DNAH5: variants seen among roughly 807,000 people sequenced by gnomAD.
DNAH5 encodes the protein axonemal beta dynein heavy chain 5.
A neutral mutation model predicts 518.2 loss-of-function variants in DNAH5; 372 were observed. That is an observed-to-expected ratio of 0.72 (90% CI 0.66 to 0.78). The LOEUF (loss-of-function observed/expected upper bound fraction) is 0.78, where lower values mean the gene tolerates loss of function less well. Ranked by LOEUF, DNAH5 falls within the 30% of genes least tolerant of loss-of-function variation. DNAH5 has a pLI of 0.00. For missense variants in DNAH5, 5,523 were observed against 5,687.0 expected (o/e 0.97, Z 0.93); for synonymous variants, 2,039 against 2,025.9 (o/e 1.01, Z -0.17).
chr5:13,755,023 T>A (rs900729290), intron 61 of DNAH5, among the ~76,000 whole-genome samples: 2 of 151,880 alleles, frequency 1.3e-5, no homozygotes, highest in Admixed American at 6.6e-5. Flanking sequence ...GAACCTGTAA[T>A]CCCAGCTACT....
intron 74 of DNAH5, 22 bp downstream of exon 74, chr5:13,716,465 T>C (rs749283816): frequency 1.4e-5 from 22 of 1,582,982 alleles, no homozygotes; most frequent in Non-Finnish European, 1.7e-5. Flanking sequence ...GCTCTATGCA[T>C]AAAATTCTGA....
intron 21 of DNAH5, among the ~76,000 whole-genome samples, chr5:13,882,356 A>T (rs1342883136): frequency 5.6e-5 from 5 of 88,816 alleles, no homozygotes; most frequent in South Asian, 6.7e-4. Context: ...ACTACAATTT[A>T]AAAAAAAAAA....
At chr5:13,793,789 C>G (rs1484956976) in intron 48 of DNAH5, 61 bp from the exon 49 acceptor site, 3 of 1,581,674 alleles carry the variant, frequency 1.9e-6, no homozygotes, top group Non-Finnish European at 2.6e-6. Flanking sequence ...AGCCTAACTC[C>G]TTGAGTGTTT....
upstream of DNAH5, among the ~76,000 whole-genome samples, chr5:13,947,459 T>C (rs1197376309): frequency 6.6e-6 from 1 of 152,240 alleles, no homozygotes; most frequent in African/African-American, 2.4e-5. Context: ...CTAAAACTGG[T>C]AATGATTTAA....
chr5:13,855,541 A>G (rs1767509472), intron 30 of DNAH5, among the ~76,000 whole-genome samples: 1 of 152,182 alleles, frequency 6.6e-6, no homozygotes, highest in Admixed American at 6.5e-5. Flanking sequence ...ATACTCTTCA[A>G]TAGTGGGAGA....
chr5:13,768,485 G>A (rs986777621), intron 58 of DNAH5, among the ~76,000 whole-genome samples: 7 of 152,122 alleles, frequency 4.6e-5, no homozygotes, highest in Non-Finnish European at 1.0e-4. Context: ...ATACACAATT[G>A]TACTGTTTAA....
chr5:13,772,043 A>C (rs1753412939), intron 55 of DNAH5, among the ~76,000 whole-genome samples: 1 of 152,238 alleles, frequency 6.6e-6, no homozygotes, highest in African/African-American at 2.4e-5. Context: ...GCAATAATTA[A>C]GTCACATTTT....
At chr5:13,860,879 T>C (rs993901072) in intron 29 of DNAH5, among the ~76,000 whole-genome samples, 12 of 152,214 alleles carry the variant, frequency 7.9e-5, no homozygotes, top group African/African-American at 2.9e-4. Context: ...CTTGAAGTCG[T>C]ATTATTGCAT....
chr5:13,908,161 A>G (rs1775570515), intron 12 of DNAH5, among the ~76,000 whole-genome samples: 1 of 152,180 alleles, frequency 6.6e-6, no homozygotes, highest in African/African-American at 2.4e-5. Flanking sequence ...CCTTGCCCTC[A>G]ATAGTTTCAG....
chr5:13,727,040 A>G (rs1449489842), intron 70 of DNAH5, among the ~76,000 whole-genome samples: 1 of 152,210 alleles, frequency 6.6e-6, no homozygotes, highest in Non-Finnish European at 1.5e-5. Context: ...ACTGACATCT[A>G]GAGCTGTGAC....
chr5:13,735,020 G>T (rs1747166903), intron 68 of DNAH5, 111 bp downstream of exon 68: 3 of 919,080 alleles, frequency 3.3e-6, no homozygotes, highest in Non-Finnish European at 3.5e-6. Context: ...TCTAAATGCA[G>T]TCTTACATAA....
At chr5:13,810,773 C>CA (rs890785984) in intron 44 of DNAH5, among the ~76,000 whole-genome samples, 11 of 146,720 alleles carry the variant, frequency 7.5e-5, no homozygotes, top group Admixed American at 2.7e-4. Context: ...AACAAACAAA[C>CA]AAAAAAACAG....
intron 75 of DNAH5, among the ~76,000 whole-genome samples, chr5:13,713,406 T>G (rs1743827281): frequency 8.6e-6 from 1 of 116,082 alleles, no homozygotes. Flanking sequence ...CATATATATA[T>G]ACACCGACAT....
intron 21 of DNAH5, among the ~76,000 whole-genome samples, chr5:13,880,484 G>C (rs1771505665): frequency 6.6e-6 from 1 of 151,890 alleles, no homozygotes; most frequent in Non-Finnish European, 1.5e-5. Flanking sequence ...AAAACAACTA[G>C]AGCTACACAA....
chr5:13,717,649 A>C (rs903957388), intron 72 of DNAH5, 129 bp from the exon 73 acceptor site: 3 of 816,398 alleles, frequency 3.7e-6, no homozygotes, highest in Non-Finnish European at 6.0e-6. Flanking sequence ...TTTTTATGAC[A>C]CTCATGTGAC....
At position 13,894,852 on chromosome 5, in the gene DNAH5, T is replaced by G. The variant is rs764637661; in HGVS notation, c.2260-31A>C. 2.5e-6 allele frequency: 4 copies of G among 1,604,722 alleles called. No individual in the cohort carries two copies. In the African/African-American group the frequency reaches 4.0e-5, roughly 16 times the overall value. On this transcript the variant is annotated intron_variant, in intron 15 of 78. Coordinates refer to ENST00000265104, the MANE Select transcript of DNAH5 (RefSeq NM_001369.3). ...ATGAAATTGGGGTTAAGTAATCAAT[T>G]AATATCTCACTTCTAATGTCTGTTA...
chr5:13,769,960 C>G (rs947047649), intron 56 of DNAH5, among the ~76,000 whole-genome samples: 1 of 152,170 alleles, frequency 6.6e-6, no homozygotes, highest in African/African-American at 2.4e-5. Flanking sequence ...CTCAGTCATG[C>G]AGGAAGGAAA....
chr5:13,777,459 T>C (rs1754277526), intron 53 of DNAH5, 104 bp from the exon 54 acceptor site: 2 of 1,010,538 alleles, frequency 2.0e-6, no homozygotes, highest in Non-Finnish European at 3.0e-6. Context: ...AAAATGCTGA[T>C]TTTGTTCTAT....
chr5:13,701,781 T>C (rs1742151413), intron 76 of DNAH5, among the ~76,000 whole-genome samples: 1 of 151,744 alleles, frequency 6.6e-6, no homozygotes, highest in Non-Finnish European at 1.5e-5. Context: ...AAACAATTTA[T>C]TGGATTAAAT....
Sources: allele counts gnomAD v4.1 joint callset (sites outside exome capture counted in the v4.1 genomes callset), GRCh38; gene constraint gnomAD v4.1.1; transcripts MANE v1.5; gene names NCBI Gene and HGNC (gene_info 2026-07-23, HGNC 2026-07-21).